The following CNTNAP3B variants were observed in gnomAD, a reference collection of about 807,000 sequenced individuals.
The protein encoded by CNTNAP3B is contactin-associated protein-like 3B.
CNTNAP3B carries 25 observed loss-of-function variants against 108.9 expected under a neutral mutation model. That is an observed-to-expected ratio of 0.23 (90% CI 0.17 to 0.32). CNTNAP3B has a LOEUF of 0.32. CNTNAP3B is among the 10% of genes least tolerant of loss of function. The pLI is 1.00. For missense variants in CNTNAP3B, 252 were observed against 1,210.4 expected (o/e 0.21, Z 11.75); for synonymous variants, 103 against 473.4 (o/e 0.22, Z 10.16).
chr9:42,080,778 TA>T, intron 2 of CNTNAP3B, among the ~76,000 whole-genome samples: 1 of 102,696 alleles, frequency 9.7e-6, no homozygotes, highest in Non-Finnish European at 2.0e-5. Flanking sequence ...CAGCACTTTG[TA>T]ACTAAATTAT....
At chr9:41,981,811 G>A (rs1393665002) in intron 9 of CNTNAP3B, among the ~76,000 whole-genome samples, 1 of 59,076 alleles carries the variant, frequency 1.7e-5, no homozygotes, top group Non-Finnish European at 3.3e-5. Flanking sequence ...CCAACACTTT[G>A]GGAGGGTGAG....
rs577055597 is a variant in CNTNAP3B at position 41,966,207 on chromosome 9, C to T, written c.1650-1563G>A. Among the ~76,000 whole-genome samples, 12 of 152,398 alleles carry T rather than the reference C, an allele frequency of 7.9e-5. No individual in the cohort carries two copies. The East Asian group carries it at 1.5e-3, about 20-fold the overall frequency. ...CCTTCTCCCCCTCCTCCCCTTCCTT[C>T]TTAATATAATGGAGCATCTTAAGAT... On this transcript the variant is annotated intron_variant, in intron 10 of 23. Coordinates refer to ENST00000377561, the MANE Select transcript of CNTNAP3B (RefSeq NM_001201380.3).
intron 9 of CNTNAP3B, chr9:41,983,310 G>T (rs1825667873): frequency 9.7e-6 from 1 of 103,068 alleles, no homozygotes; most frequent in African/African-American, 3.8e-5. Context: ...TATTTCATTA[G>T]TTTCTTTCTG....
At position 42,118,024 on chromosome 9, in the gene CNTNAP3B, G is replaced by A. The variant is rs913450051; in HGVS notation, c.85+10986C>T. ...ACCAATAACAGGCTCTGAAATTGAG[G>A]CAATAAGTAATAGCTTAACAACCAA... On this transcript the variant is annotated intron_variant, in intron 1 of 23. Transcript: ENST00000377561. Among the ~76,000 whole-genome samples the A allele has an allele frequency of 5.3e-5, 7 of 132,562 alleles. 1 individual carries two copies. Among genetic ancestry groups the A allele is most frequent in the Non-Finnish European group, 1.1e-4 (7 of 62,522 alleles). The allele number at this position is 132,562 out of a possible 152,430, so 87.0% of individuals were successfully genotyped here.
At chr9:41,916,533 C>T (rs957806233) in intron 18 of CNTNAP3B, among the ~76,000 whole-genome samples, 3 of 152,164 alleles carry the variant, frequency 2.0e-5, no homozygotes, top group African/African-American at 7.2e-5. Flanking sequence ...GAATTCTCTG[C>T]TTTTTGTAAG....
rs1399316732 is a variant in CNTNAP3B at position 42,002,422 on chromosome 9, T to A, written c.539-3818A>T. Among the ~76,000 whole-genome samples the A allele has an allele frequency of 5.3e-5, 5 of 94,572 alleles. 2 individuals are homozygous for A. Among genetic ancestry groups the A allele is most frequent in the African/African-American group, 2.0e-4 (5 of 24,752 alleles). 62.0% of individuals were successfully genotyped at this position (94,572 alleles called of 152,430 possible). A position where few individuals can be genotyped will look rare whatever the true frequency, so the allele number is the denominator to read the frequency against. On this transcript the variant is annotated intron_variant, in intron 4 of 23. Coordinates refer to ENST00000377561, the MANE Select transcript of CNTNAP3B (RefSeq NM_001201380.3). ...TTGAAGATTATTGGTGCAATTATAATGTTTTTGTCACACTTCCTCAAAGAA... is the reference window on the plus strand; with the variant it reads ...TTGAAGATTATTGGTGCAATTATAAAGTTTTTGTCACACTTCCTCAAAGAA...
chr9:41,950,994 T>G (rs1824660988), intron 13 of CNTNAP3B, among the ~76,000 whole-genome samples: 2 of 118,080 alleles, frequency 1.7e-5, no homozygotes, highest in Admixed American at 1.8e-4. Context: ...GACCTCGTGA[T>G]CCGCCCGCCT....
At chr9:41,967,996 A>G (rs774544020) in intron 10 of CNTNAP3B, among the ~76,000 whole-genome samples, 9,257 of 144,464 alleles carry the variant, frequency 0.064, 21 homozygotes, top group Middle Eastern at 0.11. Context: ...GGGATCTTAG[A>G]GACCAAGTTA....
chr9:42,124,791 T>C (rs1170618722), intron 1 of CNTNAP3B, among the ~76,000 whole-genome samples: 4 of 130,656 alleles, frequency 3.1e-5, no homozygotes, highest in Non-Finnish European at 6.4e-5. Flanking sequence ...CAGTGCCAAT[T>C]ACATCTTTGT....
intron 13 of CNTNAP3B, among the ~76,000 whole-genome samples, chr9:41,944,069 T>G (rs1286253649): frequency 6.6e-6 from 1 of 150,782 alleles, no homozygotes; most frequent in East Asian, 1.9e-4. Context: ...AAACACACAC[T>G]AATATAAAAT....
chr9:42,117,597 A>G (rs1828348916), intron 1 of CNTNAP3B, among the ~76,000 whole-genome samples: 2 of 138,796 alleles, frequency 1.4e-5, no homozygotes, highest in South Asian at 4.7e-4. Context: ...TTGACACCCT[A>G]ACATCACAAT....
intron 3 of CNTNAP3B, among the ~76,000 whole-genome samples, chr9:42,062,863 T>C (rs1265327949): frequency 3.1e-5 from 3 of 95,882 alleles, no homozygotes; most frequent in Non-Finnish European, 6.6e-5. Context: ...AAATATCTTA[T>C]AGTTGCAGCA....
chr9:41,925,282 G>T (rs1464910364), intron 15 of CNTNAP3B, among the ~76,000 whole-genome samples: 1 of 151,076 alleles, frequency 6.6e-6, no homozygotes, highest in Non-Finnish European at 1.5e-5. Context: ...TTAATTGGTT[G>T]ACATGCCTAC....
rs1473618252 is a variant in CNTNAP3B, at chr9:41,926,302, T to A, written c.2366-2209A>T. Reference sequence around the variant, plus strand: ...CATTCCTTGACCCTATCCCTGCAGATCCCCTAGTCCCAGCTGCCCCAAAAG... The same window carrying A: ...CATTCCTTGACCCTATCCCTGCAGAACCCCTAGTCCCAGCTGCCCCAAAAG... On this transcript the variant is annotated intron_variant, in intron 15 of 23. Transcript: ENST00000377561. Among the ~76,000 whole-genome samples the A allele has an allele frequency of 2.0e-5, 3 of 152,098 alleles. No individual in the cohort carries two copies. In the East Asian group the frequency reaches 5.8e-4, roughly 29 times the overall value.
chr9:41,967,140 C>T, intron 10 of CNTNAP3B, among the ~76,000 whole-genome samples: 1 of 149,790 alleles, frequency 6.7e-6, no homozygotes, highest in Non-Finnish European at 1.5e-5. Context: ...ATTTGAGTAA[C>T]ATATGTTTCT....
chr9:41,930,647 T>C (rs1246598405), intron 14 of CNTNAP3B, among the ~76,000 whole-genome samples: 2 of 152,416 alleles, frequency 1.3e-5, no homozygotes, highest in East Asian at 3.9e-4. Flanking sequence ...AAATATATTT[T>C]AGTCTCTGCC....
rs1450059387 is a variant in CNTNAP3B, at chr9:42,127,237, G to T, written c.85+1773C>A. Among the ~76,000 whole-genome samples, 2 of 138,766 alleles carry T rather than the reference G, an allele frequency of 1.4e-5. 1 individual carries two copies. Among genetic ancestry groups the T allele is most frequent in the Non-Finnish European group, 3.1e-5 (2 of 64,920 alleles). 91.0% of individuals were successfully genotyped at this position (138,766 alleles called of 152,430 possible). ...TCGCGAGAGTCCCGTCTGGTGCTGA[G>T]TCCGTTTGGAATATCTGTCCCTGCC... On this transcript the variant is annotated intron_variant, in intron 1 of 23. Transcript: ENST00000377561.
intron 14 of CNTNAP3B, among the ~76,000 whole-genome samples, chr9:41,933,367 C>A (rs1233232149): frequency 4.6e-5 from 7 of 152,276 alleles, no homozygotes; most frequent in Non-Finnish European, 8.8e-5. Context: ...GAGTCGAAAT[C>A]ACCCCCGATT....
intron 18 of CNTNAP3B, among the ~76,000 whole-genome samples, chr9:41,916,136 T>C (rs1823511488): frequency 1.4e-5 from 2 of 147,082 alleles, no homozygotes; most frequent in South Asian, 4.3e-4. Flanking sequence ...ATAAACTCTC[T>C]TATTTACCAT....
Sources: gnomAD v4.1 joint callset for allele counts (sites outside exome capture counted in the v4.1 genomes callset) on GRCh38, gnomAD v4.1.1 for gene constraint, MANE v1.5 for transcripts, NCBI Gene and HGNC (gene_info 2026-07-23, HGNC 2026-07-21) for gene names.